HECW1: variants seen among roughly 807,000 people sequenced by gnomAD.
HECW1 encodes E3 ubiquitin-protein ligase HECW1.
In HECW1, 61 loss-of-function variants were observed where a neutral mutation model predicts 182.3. That is an observed-to-expected ratio of 0.33 (90% CI 0.27 to 0.41). The LOEUF (loss-of-function observed/expected upper bound fraction) is 0.41. HECW1 is among the 10% of genes least tolerant of loss of function. The pLI is 1.00. For synonymous variants in HECW1, 859 were observed against 832.6 expected (o/e 1.03, Z -0.55); for missense variants, 1,739 against 2,108.9 (o/e 0.82, Z 3.44).
intron 24 of HECW1, among the ~76,000 whole-genome samples, chr7:43,535,995 G>A (rs1362358907): frequency 6.6e-6 from 1 of 152,138 alleles, no homozygotes; most frequent in Admixed American, 6.5e-5. Context: ...CAGAGTCCAG[G>A]AATGTTCCCA....
rs115288208 is a variant in HECW1 at position 43,371,366 on chromosome 7, T to C, written c.555+10386T>C. On this transcript the variant is annotated intron_variant, in intron 6 of 29. Coordinates refer to ENST00000395891, the MANE Select transcript of HECW1 (RefSeq NM_015052.5). The stretch of plus-strand genomic sequence containing the variant: ...AAATATGCCACTCTTATGTGGAACG[T>C]TGGTAGTTGGGGAGGCTGTGCGTGT... Among the ~76,000 whole-genome samples the C allele has an allele frequency of 3.6e-3, 540 of 152,088 alleles. 3 individuals carry two copies. Among genetic ancestry groups the C allele is most frequent in the African/African-American group, 0.013 (521 of 41,498 alleles).
chr7:43,524,213 G>T (rs981469957), intron 24 of HECW1, among the ~76,000 whole-genome samples: 1 of 152,164 alleles, frequency 6.6e-6, no homozygotes, highest in African/African-American at 2.4e-5. Context: ...TGTTAGCAGC[G>T]TCAAGAGTCT....
At chr7:43,395,154 G>A (rs2075185057) in intron 6 of HECW1, among the ~76,000 whole-genome samples, 1 of 152,152 alleles carries the variant, frequency 6.6e-6, no homozygotes, top group Non-Finnish European at 1.5e-5. Flanking sequence ...GCCTCCAGCT[G>A]CATGACTCCT....
chr7:43,450,703 C>G, intron 11 of HECW1, 125 bp from the exon 12 acceptor site: 1 of 655,538 alleles, frequency 1.5e-6, no homozygotes, highest in East Asian at 2.7e-5. Flanking sequence ...CTGACACACA[C>G]ACACAAATGG....
At chr7:43,327,501 T>C (rs1232910645) in intron 5 of HECW1, among the ~76,000 whole-genome samples, 1 of 152,224 alleles carries the variant, frequency 6.6e-6, no homozygotes. Flanking sequence ...GTGATACTCC[T>C]GAAATTCTTT....
At chr7:43,519,073 C>G (rs755802703) in intron 24 of HECW1, among the ~76,000 whole-genome samples, 3 of 152,018 alleles carry the variant, frequency 2.0e-5, no homozygotes, top group Non-Finnish European at 4.4e-5. Flanking sequence ...TTTATTGAGC[C>G]CTTATTATGG....
intron 2 of HECW1, among the ~76,000 whole-genome samples, chr7:43,216,904 C>G (rs919672723): frequency 2.0e-5 from 3 of 152,182 alleles, no homozygotes; most frequent in African/African-American, 7.2e-5. Flanking sequence ...ATCCTCCCAT[C>G]TCAGCCTCCT....
rs1291103513 is a variant in HECW1, at chr7:43,468,910, C to T, written c.2914-10C>T. On this transcript the variant is annotated splice_polypyrimidine_tract_variant and intron_variant, in intron 15 of 29. Transcript: ENST00000395891. ...CCACTCCTTACCCCGTCCGCCCTGA[C>T]CTGTCTCAGAGTGCCTACCGAGTCT... 2 of 1,613,830 alleles carry T rather than the reference C, an allele frequency of 1.2e-6. No homozygotes were observed. Among genetic ancestry groups the T allele is most frequent in the Admixed American group, 1.7e-5 (1 of 60,002 alleles).
In HECW1 at chr7:43,461,734, C is replaced by A. The variant is rs188899672; in HGVS notation, c.2652-1926C>A. 3.7e-3 allele frequency among the ~76,000 whole-genome samples: 558 copies of A among 152,328 alleles called. 4 individuals carry two copies. The highest frequency in any genetic ancestry group is 0.013 in the African/African-American group (543 of 41,564). ...ACAAATGATTCTCTCTGTAATTCCACCACCACTCAGCTCATTGCCCCCTTC... is the reference window on the plus strand; with the variant it reads ...ACAAATGATTCTCTCTGTAATTCCAACACCACTCAGCTCATTGCCCCCTTC... On this transcript the variant is annotated intron_variant, in intron 13 of 29. Transcript: ENST00000395891.
intron 2 of HECW1, among the ~76,000 whole-genome samples, chr7:43,205,100 T>C (rs968922354): frequency 6.6e-6 from 1 of 152,078 alleles, no homozygotes; most frequent in Admixed American, 6.5e-5. Context: ...TTTTTTTTTT[T>C]GGAAATGGAG....
intron 3 of HECW1, among the ~76,000 whole-genome samples, chr7:43,273,942 C>G (rs1802756953): frequency 6.6e-6 from 1 of 151,748 alleles, no homozygotes; most frequent in African/African-American, 2.4e-5. Context: ...ATCTCCACCT[C>G]CCGGGTTCAA....
intron 6 of HECW1, chr7:43,396,576 T>C (rs1369174058): frequency 2.3e-6 from 1 of 437,680 alleles, no homozygotes; most frequent in Non-Finnish European, 4.2e-6. Flanking sequence ...ACAGTAATTG[T>C]GTTTGTTGAT....
At chr7:43,117,657 G>A (rs139347103) in intron 2 of HECW1, among the ~76,000 whole-genome samples, 3 of 152,258 alleles carry the variant, frequency 2.0e-5, no homozygotes, top group African/African-American at 7.2e-5. Context: ...GTGTCTTAAA[G>A]CCTCTTTAAA....
rs557849804 is a variant in HECW1, at chr7:43,448,821, G to C, written c.2399-2007G>C. 1.2e-3 allele frequency among the ~76,000 whole-genome samples: 189 copies of C among 152,322 alleles called. 1 individual carries two copies. Among genetic ancestry groups the C allele is most frequent in the African/African-American group, 4.4e-3 (182 of 41,568 alleles). ...ATAGAAGGGAATTTAAAACGACGTTGCTTGCTTTTAGCTGAGGAATAGATC... is the reference window on the plus strand; with the variant it reads ...ATAGAAGGGAATTTAAAACGACGTTCCTTGCTTTTAGCTGAGGAATAGATC... On this transcript the variant is annotated intron_variant, in intron 11 of 29. Coordinates refer to ENST00000395891, the MANE Select transcript of HECW1 (RefSeq NM_015052.5).
intron 8 of HECW1, among the ~76,000 whole-genome samples, chr7:43,437,627 T>A (rs142766940): frequency 2.0e-5 from 3 of 152,210 alleles, no homozygotes; most frequent in African/African-American, 7.2e-5. Flanking sequence ...ATCATAATCA[T>A]GAAAAACCAT....
At chr7:43,530,242 G>A (rs1371600982) in intron 24 of HECW1, among the ~76,000 whole-genome samples, 1 of 151,358 alleles carries the variant, frequency 6.6e-6, no homozygotes, top group African/African-American at 2.4e-5. Context: ...ACAGGCATGA[G>A]CCACCATGCC....
intron 2 of HECW1, among the ~76,000 whole-genome samples, chr7:43,183,807 GTAAC>G (rs1793095760): frequency 1.1e-5 from 1 of 87,894 alleles, no homozygotes; most frequent in African/African-American, 4.3e-5. Flanking sequence ...TGGAATGTGA[GTAAC>G]TATTTTGCTA....
chr7:43,281,752 T>A lies in HECW1; in HGVS notation c.28-30011T>A, dbSNP rs368040886. 2.9e-4 allele frequency among the ~76,000 whole-genome samples: 40 copies of A among 140,120 alleles called. 1 individual carries two copies. The East Asian group carries it at 3.0e-3, about 10-fold the overall frequency. The allele number at this position is 140,120 out of a possible 152,430, so 91.9% of individuals were successfully genotyped here. A position where few individuals can be genotyped will look rare whatever the true frequency, so the allele number is the denominator to read the frequency against. On this transcript the variant is annotated intron_variant, in intron 3 of 29. Transcript: ENST00000395891. ...TTTTTTTTTTTTTAGAGAGACAAGGTCTAACTATGTTGCCCAGGCTAGTCT... is the reference window on the plus strand; with the variant it reads ...TTTTTTTTTTTTTAGAGAGACAAGGACTAACTATGTTGCCCAGGCTAGTCT...
chr7:43,390,329 A>T (rs879684115), intron 6 of HECW1, among the ~76,000 whole-genome samples: 4 of 152,076 alleles, frequency 2.6e-5, no homozygotes, highest in Admixed American at 2.6e-4. Context: ...ACTGGAGCCC[A>T]GAAATTCCAG....
Sources: allele counts gnomAD v4.1 joint callset (sites outside exome capture counted in the v4.1 genomes callset), GRCh38; gene constraint gnomAD v4.1.1; transcripts MANE v1.5; gene names NCBI Gene and HGNC (gene_info 2026-07-23, HGNC 2026-07-21).